Variants in CNTNAP3B observed in about 807,000 individuals in gnomAD.
The protein encoded by CNTNAP3B is contactin-associated protein-like 3B.
In CNTNAP3B, 25 loss-of-function variants were observed where a neutral mutation model predicts 108.9. The ratio of observed to expected loss-of-function variants is 0.23; its 90% CI spans 0.17 to 0.32. The LOEUF (loss-of-function observed/expected upper bound fraction) is 0.32, where lower values mean the gene tolerates loss of function less well. Ranked by LOEUF, CNTNAP3B falls within the 10% of genes least tolerant of loss-of-function variation. The pLI is 1.00. For synonymous variants in CNTNAP3B, 103 were observed against 473.4 expected, an observed-to-expected ratio of 0.22 and a Z score of 10.16; for missense variants, 252 against 1,210.4, an observed-to-expected ratio of 0.21 and a Z score of 11.75.
At chr9:41,962,301 G>A (rs1825123119) in intron 11 of CNTNAP3B, among the ~76,000 whole-genome samples, 1 of 152,400 alleles carries the variant, frequency 6.6e-6, no homozygotes, top group South Asian at 2.1e-4. Context: ...CTGTGGGCTT[G>A]GCAAATTTCT....
At chr9:41,916,528 C>A (rs1251631313) in intron 18 of CNTNAP3B, among the ~76,000 whole-genome samples, 82 of 152,120 alleles carry the variant, frequency 5.4e-4, no homozygotes, top group Admixed American at 2.1e-3. Flanking sequence ...GCAGTGAATT[C>A]TCTGCTTTTT....
At chr9:42,110,513 C>T (rs1309688166) in intron 1 of CNTNAP3B, among the ~76,000 whole-genome samples, 1 of 121,220 alleles carries the variant, frequency 8.2e-6, no homozygotes, top group Non-Finnish European at 1.7e-5. Context: ...CACAGATGTA[C>T]AGAAAACCTC....
intron 9 of CNTNAP3B, chr9:41,983,712 C>T (rs1825675250): frequency 1.1e-5 from 1 of 91,638 alleles, no homozygotes; most frequent in Admixed American, 1.2e-4. Context: ...TCTGAGGACT[C>T]CTATGTTATC....
At chr9:41,931,065 T>G (rs1296347420) in intron 14 of CNTNAP3B, among the ~76,000 whole-genome samples, 22 of 152,174 alleles carry the variant, frequency 1.4e-4, no homozygotes, top group African/African-American at 5.3e-4. Context: ...AATACTGTAT[T>G]TTTTAAATTG....
At chr9:41,928,309 G>T (rs1306261613) in intron 15 of CNTNAP3B, among the ~76,000 whole-genome samples, 5 of 152,096 alleles carry the variant, frequency 3.3e-5, no homozygotes, top group Admixed American at 3.3e-4. Context: ...AAATTTCACA[G>T]GGCAACACAA....
At chr9:41,921,431 G>T (rs1202855159) in intron 17 of CNTNAP3B, among the ~76,000 whole-genome samples, 1 of 147,798 alleles carries the variant, frequency 6.8e-6, no homozygotes, top group East Asian at 1.9e-4. Context: ...ACATACATAC[G>T]TGGGTTCACG....
intron 11 of CNTNAP3B, among the ~76,000 whole-genome samples, chr9:41,962,307 T>C (rs1825123474): frequency 6.6e-6 from 1 of 152,284 alleles, no homozygotes; most frequent in African/African-American, 2.4e-5. Context: ...GCTTGGCAAA[T>C]TTCTACCTAT....
At chr9:41,969,739 T>A (rs1164153025) in intron 10 of CNTNAP3B, among the ~76,000 whole-genome samples, 1 of 145,358 alleles carries the variant, frequency 6.9e-6, no homozygotes, top group Non-Finnish European at 1.5e-5. Flanking sequence ...TGCCTCAGCC[T>A]CCCCAGTAGC....
At chr9:41,966,180 A>T (rs1825268129) in intron 10 of CNTNAP3B, among the ~76,000 whole-genome samples, 1 of 152,142 alleles carries the variant, frequency 6.6e-6, no homozygotes. Context: ...CTTCCCCCAC[A>T]TCCTTCTCCC....
intron 13 of CNTNAP3B, among the ~76,000 whole-genome samples, chr9:41,950,428 G>A (rs542815467): frequency 3.3e-4 from 45 of 135,292 alleles, no homozygotes; most frequent in Non-Finnish European, 5.8e-4. Context: ...CACAAAACCT[G>A]TACACAATGT....
chr9:41,919,496 T>G (rs1248606856), intron 18 of CNTNAP3B, among the ~76,000 whole-genome samples: 130 of 151,994 alleles, frequency 8.6e-4, no homozygotes, highest in African/African-American at 2.5e-3. Context: ...TCAAACATCA[T>G]AGAGCAAAGT....
At chr9:41,934,156 TACAC>T (rs1216743129) in intron 14 of CNTNAP3B, among the ~76,000 whole-genome samples, 1 of 130,760 alleles carries the variant, frequency 7.6e-6, no homozygotes. Flanking sequence ...CACATATATA[TACAC>T]ACACACACAT....
rs560780839 is a variant in CNTNAP3B at position 42,078,854 on chromosome 9, C to T, written c.197-1792G>A. On this transcript the variant is annotated intron_variant, in intron 2 of 23. Coordinates refer to ENST00000377561, the MANE Select transcript of CNTNAP3B (RefSeq NM_001201380.3). ...CCACAGTTTCTTCTCTCTGCTCATT[C>T]CTCCTTCCAACTTAACTTTTCAGGA... Among the ~76,000 whole-genome samples the T allele has an allele frequency of 1.2e-4, 18 of 151,194 alleles. No individual in the cohort carries two copies. In the South Asian group the frequency reaches 3.6e-3, roughly 30 times the overall value.
chr9:41,959,740 AC>A (rs1340072147), intron 12 of CNTNAP3B, among the ~76,000 whole-genome samples: 6 of 152,310 alleles, frequency 3.9e-5, no homozygotes, highest in African/African-American at 1.4e-4. Context: ...TTGCTAAGGC[AC>A]TTTAAATGCC....
intron 2 of CNTNAP3B, among the ~76,000 whole-genome samples, chr9:42,103,390 G>GA (rs1188624668): frequency 1.8e-5 from 2 of 113,850 alleles, no homozygotes; most frequent in Non-Finnish European, 1.8e-5. Flanking sequence ...CTCAAATACA[G>GA]AAAACACCAA....
Position 42,125,817 on chromosome 9 carries a change from C to T in CNTNAP3B, c.85+3193G>A, listed in dbSNP as rs546493217. On this transcript the variant is annotated intron_variant, in intron 1 of 23. Coordinates refer to ENST00000377561, the MANE Select transcript of CNTNAP3B (RefSeq NM_001201380.3). Reference sequence around the variant, plus strand: ...ATTTTTAGTAGAGGCAGGGTTTCACCGTGTTGTCCAGGCTGGTTTCGAACT... The same window carrying T: ...ATTTTTAGTAGAGGCAGGGTTTCACTGTGTTGTCCAGGCTGGTTTCGAACT... 6.1e-5 allele frequency among the ~76,000 whole-genome samples: 8 copies of T among 131,420 alleles called. 1 individual carries two copies. Among genetic ancestry groups the T allele is most frequent in the East Asian group, 2.4e-4 (1 of 4,250 alleles). 86.2% of individuals were successfully genotyped at this position (131,420 alleles called of 152,430 possible).
At chr9:41,924,754 G>C (rs1294252128) in intron 15 of CNTNAP3B, among the ~76,000 whole-genome samples, 1 of 152,090 alleles carries the variant, frequency 6.6e-6, no homozygotes, top group Non-Finnish European at 1.5e-5. Flanking sequence ...GTTCCCTTCT[G>C]TCCAAAACCC....
At chr9:42,078,479 A>G (rs1174829906) in intron 2 of CNTNAP3B, among the ~76,000 whole-genome samples, 1 of 138,836 alleles carries the variant, frequency 7.2e-6, no homozygotes, top group African/African-American at 2.9e-5. Flanking sequence ...ACACAGACAT[A>G]TATATAAATA....
chr9:41,959,064 CTGT>C (rs1824969337), intron 12 of CNTNAP3B, among the ~76,000 whole-genome samples: 2 of 142,270 alleles, frequency 1.4e-5, no homozygotes, highest in South Asian at 4.6e-4. Flanking sequence ...TGGAAGAAAA[CTGT>C]CATTCTGTAT....
Sources: allele counts gnomAD v4.1 joint callset (sites outside exome capture counted in the v4.1 genomes callset), GRCh38; gene constraint gnomAD v4.1.1; transcripts MANE v1.5; gene names NCBI Gene and HGNC (gene_info 2026-07-23, HGNC 2026-07-21).